The following TMEM242 variants were observed in gnomAD, a reference collection of about 807,000 sequenced individuals.
The protein encoded by TMEM242 is transmembrane protein 242.
Under a neutral mutation model 18.2 loss-of-function variants are expected in TMEM242, and 10 were observed. The observed-to-expected ratio is 0.55, with a 90% CI of 0.34 to 0.93. The LOEUF (loss-of-function observed/expected upper bound fraction) is 0.93, where lower values mean the gene tolerates loss of function less well. TMEM242 is among the 40% of genes least tolerant of loss of function. The pLI, the probability that TMEM242 is intolerant of heterozygous loss-of-function variation, is 0.02. For synonymous variants in TMEM242, 57 were observed against 69.9 expected (o/e 0.81, Z 0.92); for missense variants, 186 against 175.5 (o/e 1.06, Z -0.34).
rs1262842555 is a variant in TMEM242 at position 157,299,803 on chromosome 6, G to C, written c.328-6804C>G. On this transcript the variant is annotated intron_variant, in intron 3 of 3. Coordinates refer to ENST00000400788, the MANE Select transcript of TMEM242 (RefSeq NM_018452.6). ...CAATATTTGGCGTTTTCATGAAAGG[G>C]CTGCCATGTTGAAGATCCATTGTCT... 4 of 1,607,528 alleles carry C rather than the reference G, an allele frequency of 2.5e-6. No homozygotes were observed. In the African/African-American group the frequency reaches 5.3e-5, roughly 21 times the overall value.
rs587669109 is a variant in TMEM242 at position 157,294,406 on chromosome 6, AGTGGCGGGATCTCG to A, written c.328-1421_328-1408del. Among the ~76,000 whole-genome samples the A allele has an allele frequency of 5.2e-3, 685 of 132,780 alleles. 3 individuals are homozygous for A. Among genetic ancestry groups the A allele is most frequent in the African/African-American group, 0.019 (652 of 34,074 alleles). The allele number at this position is 132,780 out of a possible 152,430, so 87.1% of individuals were successfully genotyped here. A position where few individuals can be genotyped will look rare whatever the true frequency, so the allele number is the denominator to read the frequency against. ...GGCTCTGTCGCCCAGGCTGGAGTGC[AGTGGCGGGATCTCG>A]GCTCACTGCAAGCTCCGCCTCCCGG... On this transcript the variant is annotated intron_variant, in intron 3 of 3. Coordinates refer to ENST00000400788, the MANE Select transcript of TMEM242 (RefSeq NM_018452.6).
Position 157,292,772 on chromosome 6 carries a change from A to C in TMEM242, c.*129T>G. Reference sequence around the variant, plus strand: ...CCTGTGATGAGGCTGAATGCTATCCAGTGCACTGGTTCAGTCAGCAATCTG... The same window carrying C: ...CCTGTGATGAGGCTGAATGCTATCCCGTGCACTGGTTCAGTCAGCAATCTG... On this transcript the variant is annotated 3_prime_UTR_variant, in exon 4 of 4. Transcript: ENST00000400788. The C allele has an allele frequency of 1.4e-6, 1 of 709,222 alleles. No individual in the cohort carries two copies. The highest frequency in any genetic ancestry group is 2.5e-6 in the Non-Finnish European group (1 of 406,080). 43.9% of individuals were successfully genotyped at this position (709,222 alleles called of 1,614,324 possible).
Position 157,314,163 on chromosome 6 carries a change from C to T in TMEM242, c.327+4619G>A, listed in dbSNP as rs587617714. On this transcript the variant is annotated intron_variant, in intron 3 of 3. Coordinates refer to ENST00000400788, the MANE Select transcript of TMEM242 (RefSeq NM_018452.6). ...GGCCTCATCATAGTGTCCCTGTGTG[C>T]GCTCACCCGGCCTCATCATAGTGTC... is the stretch of plus-strand genomic sequence containing the variant. Among the ~76,000 whole-genome samples the T allele has an allele frequency of 9.4e-5, 14 of 148,786 alleles. No homozygotes were observed. The East Asian group carries it at 2.6e-3, about 28-fold the overall frequency.
Position 157,291,601 on chromosome 6 carries a change from C to T in TMEM242, c.*1300G>A, listed in dbSNP as rs925731759. On this transcript the variant is annotated 3_prime_UTR_variant, in exon 4 of 4. Coordinates refer to ENST00000400788, the MANE Select transcript of TMEM242 (RefSeq NM_018452.6). ...GACCAATTTCACAATCCTTTCCTTTCAGTCTTGGATTTTTAACAGATTACA... is the reference window on the plus strand; with the variant it reads ...GACCAATTTCACAATCCTTTCCTTTTAGTCTTGGATTTTTAACAGATTACA... 2 of 152,254 alleles carry T rather than the reference C, an allele frequency of 1.3e-5. No individual in the cohort carries two copies. The highest frequency in any genetic ancestry group is 4.8e-5 in the African/African-American group (2 of 41,460). 9.4% of individuals were successfully genotyped at this position (152,254 alleles called of 1,614,324 possible).
At chr6:157,306,766 C>T (rs1339796776) in intron 3 of TMEM242, among the ~76,000 whole-genome samples, 9 of 151,972 alleles carry the variant, frequency 5.9e-5, no homozygotes, top group Admixed American at 2.0e-4. Context: ...AAACTGGAAT[C>T]GAGAAAACTC....
chr6:157,294,804 T>A (rs1554247109), intron 3 of TMEM242, among the ~76,000 whole-genome samples: 1 of 152,220 alleles, frequency 6.6e-6, no homozygotes, highest in African/African-American at 2.4e-5. Flanking sequence ...CTAGCACTGC[T>A]GCAAACTGTA....
Position 157,323,466 on chromosome 6 carries a change from C to T in TMEM242, c.34G>A (p.Ala12Thr), listed in dbSNP as rs371712924. 6.2e-7 allele frequency: 1 copy of T among 1,613,894 alleles called. No individual in the cohort carries two copies. The highest frequency in any genetic ancestry group is 8.5e-7 in the Non-Finnish European group (1 of 1,179,960). ...GACCCCGGAGCCTCCAGCCCAGAGG[C>T]CGGCTGCCCAGTTGCAGCGCCCGCT... ...ETAGAATGQP[A>T]SGLEAPGSTN... Residue 12 changes from alanine (A) to threonine (T), a missense_variant, in exon 1 of 4, where the codon GCC becomes ACC. Ala to Thr is a moderately conservative substitution (Grantham distance 58). Coordinates refer to ENST00000400788, the MANE Select transcript of TMEM242 (RefSeq NM_018452.6).
chr6:157,297,822 T>G (rs1554247256), intron 3 of TMEM242, among the ~76,000 whole-genome samples: 1 of 152,228 alleles, frequency 6.6e-6, no homozygotes. Flanking sequence ...TATTAAATAT[T>G]CAACTGCATT....
chr6:157,300,563 T>C (rs1562379152), intron 3 of TMEM242, among the ~76,000 whole-genome samples: 2 of 152,186 alleles, frequency 1.3e-5, no homozygotes, highest in South Asian at 2.1e-4. Flanking sequence ...ATACGGGTGG[T>C]TGCCTGCACC....
At chr6:157,301,850 T>G (rs939785892) in intron 3 of TMEM242, among the ~76,000 whole-genome samples, 1 of 152,100 alleles carries the variant, frequency 6.6e-6, no homozygotes, top group Non-Finnish European at 1.5e-5. Context: ...GAGAATTGCT[T>G]GAACCCTGGA....
intron 3 of TMEM242, among the ~76,000 whole-genome samples, chr6:157,296,003 T>C (rs1223003570): frequency 6.6e-6 from 1 of 152,246 alleles, no homozygotes; most frequent in Non-Finnish European, 1.5e-5. Context: ...ATTTCTGATA[T>C]GCAGTTCAGA....
chr6:157,310,928 A>T (rs199662819), intron 3 of TMEM242, among the ~76,000 whole-genome samples: 2 of 12,010 alleles, frequency 1.7e-4, no homozygotes, highest in Admixed American at 1.5e-3. Context: ...GCACTCACCT[A>T]GCCTCATCAT....
At chr6:157,309,152 G>A (rs1413251094) in intron 3 of TMEM242, among the ~76,000 whole-genome samples, 2 of 152,178 alleles carry the variant, frequency 1.3e-5, no homozygotes, top group Non-Finnish European at 2.9e-5. Context: ...GTAGCAGGCA[G>A]TAAAGCAGCA....
In TMEM242 at chr6:157,299,995, C is replaced by T. The variant is rs372920227; in HGVS notation, c.328-6996G>A. On this transcript the variant is annotated intron_variant, in intron 3 of 3. Coordinates refer to ENST00000400788, the MANE Select transcript of TMEM242 (RefSeq NM_018452.6). ...AAGTGAAGCGCTCAACAAGCTCACT[C>T]TTCACGGGGGTGAAGAGCCAGGCGC... 8.1e-6 allele frequency: 11 copies of T among 1,358,912 alleles called. No individual in the cohort carries two copies. In the Admixed American group the frequency reaches 8.4e-5, roughly 10 times the overall value. The allele number at this position is 1,358,912 out of a possible 1,614,324, so 84.2% of individuals were successfully genotyped here.
intron 3 of TMEM242, among the ~76,000 whole-genome samples, chr6:157,312,510 A>G (rs1408104031): frequency 0.056 from 1,102 of 19,514 alleles, 10 homozygotes; most frequent in East Asian, 0.1. Context: ...GCACTCACCG[A>G]GCCTCATCAT....
chr6:157,318,799 C>G lies in TMEM242; in HGVS notation c.310G>C (p.Ala104Pro), dbSNP rs1554250558. The G allele has an allele frequency of 6.2e-7, 1 of 1,614,070 alleles. No homozygotes were observed. The highest frequency in any genetic ancestry group is 8.5e-7 in the Non-Finnish European group (1 of 1,180,004). The change falls in exon 3 of 4, where the codon GCT becomes CCT. Residue 104 changes from alanine (A) to proline (P), a missense_variant. Coordinates refer to ENST00000400788, the MANE Select transcript of TMEM242 (RefSeq NM_018452.6). The stretch of plus-strand genomic sequence containing the variant: ...TTACTTACACTGTGAACTCCTAAAG[C>G]TTTCCAGACTGCGAAGCTAATCACA... ...VGVISFAVWK[A>P]LGVHSMNDFR...
At chr6:157,310,517 C>T (rs1554248313) in intron 3 of TMEM242, among the ~76,000 whole-genome samples, 6 of 146,694 alleles carry the variant, frequency 4.1e-5, no homozygotes, top group Non-Finnish European at 7.6e-5. Flanking sequence ...TGTACACTCA[C>T]CTGGCCTCAT....
intron 2 of TMEM242, among the ~76,000 whole-genome samples, chr6:157,319,314 A>G (rs782008662): frequency 6.6e-6 from 1 of 152,258 alleles, no homozygotes; most frequent in Non-Finnish European, 1.5e-5. Flanking sequence ...GCATGTGTGT[A>G]AACATTATGT....
intron 3 of TMEM242, among the ~76,000 whole-genome samples, chr6:157,310,226 C>T (rs1489534994): frequency 6.6e-6 from 1 of 152,146 alleles, no homozygotes; most frequent in Non-Finnish European, 1.5e-5. Context: ...ATGTAAATAA[C>T]CATGTAAACA....
Sources: gnomAD v4.1 joint callset for allele counts (sites outside exome capture counted in the v4.1 genomes callset) on GRCh38, gnomAD v4.1.1 for gene constraint, MANE v1.5 for transcripts, NCBI Gene and HGNC (gene_info 2026-07-23, HGNC 2026-07-21) for gene names.